TMEM117: variants seen among roughly 807,000 people sequenced by gnomAD.
TMEM117 encodes transmembrane protein 117.
Under a neutral mutation model 52.4 loss-of-function variants are expected in TMEM117, and 27 were observed. The ratio of observed to expected loss-of-function variants is 0.51; its 90% CI spans 0.38 to 0.71. TMEM117 has a LOEUF of 0.71. TMEM117 is among the 30% of genes least tolerant of loss of function. TMEM117 has a pLI of 0.00. For synonymous variants in TMEM117, 215 were observed against 206.3 expected, an observed-to-expected ratio of 1.04 and a Z score of -0.36; for missense variants, 556 against 630.5, an observed-to-expected ratio of 0.88 and a Z score of 1.26.
the TMEM117 span, among the ~76,000 whole-genome samples, chr12:43,828,662 C>T: frequency 3.9e-5 from 6 of 152,056 alleles, no homozygotes; most frequent in African/African-American, 1.5e-4. Context: ...CCATTTTATC[C>T]TCCTCTATTC....
chr12:43,922,699 G>A (rs1944715250), intron 2 of TMEM117, among the ~76,000 whole-genome samples: 3 of 152,116 alleles, frequency 2.0e-5, no homozygotes, highest in Admixed American at 1.3e-4. Context: ...TAGGTAGTTT[G>A]CAAGAGAATG....
chr12:44,176,037 C>T (rs963649339), intron 4 of TMEM117, among the ~76,000 whole-genome samples: 2 of 152,058 alleles, frequency 1.3e-5, no homozygotes, highest in African/African-American at 4.8e-5. Flanking sequence ...AAAATAGAAG[C>T]TCAAGGGGGA....
intron 6 of TMEM117, among the ~76,000 whole-genome samples, chr12:44,375,375 T>C (rs1309048668): frequency 6.6e-6 from 1 of 152,220 alleles, no homozygotes; most frequent in Non-Finnish European, 1.5e-5. Flanking sequence ...ACTTCTTGTA[T>C]ATTTATTTCT....
intron 3 of TMEM117, among the ~76,000 whole-genome samples, chr12:44,077,984 AT>A (rs577909061): frequency 2.1e-4 from 32 of 151,906 alleles, no homozygotes; most frequent in Non-Finnish European, 4.1e-4. Context: ...AAATACCAGT[AT>A]TTTTTTTGAC....
At chr12:44,356,017 GA>G (rs201246749) in intron 6 of TMEM117, among the ~76,000 whole-genome samples, 45 of 149,770 alleles carry the variant, frequency 3.0e-4, no homozygotes, top group African/African-American at 9.8e-4. Flanking sequence ...TTAGAGTCAG[GA>G]AAAAAAAAGA....
chr12:43,921,066 C>G (rs189551689), intron 2 of TMEM117, among the ~76,000 whole-genome samples: 1 of 152,076 alleles, frequency 6.6e-6, no homozygotes, highest in East Asian at 1.9e-4. Flanking sequence ...CTAATGTGGC[C>G]CTATTGATGC....
At chr12:43,870,729 C>T (rs1449556545) in intron 2 of TMEM117, among the ~76,000 whole-genome samples, 1 of 152,126 alleles carries the variant, frequency 6.6e-6, no homozygotes, top group Non-Finnish European at 1.5e-5. Flanking sequence ...GACTTGTACT[C>T]CCACCAACAG....
chr12:44,101,003 A>G (rs1338184188), intron 3 of TMEM117, among the ~76,000 whole-genome samples: 1 of 151,948 alleles, frequency 6.6e-6, no homozygotes, highest in East Asian at 1.9e-4. Context: ...GTACCTGCAG[A>G]TTCGGTGCCT....
At chr12:43,987,502 A>G (rs1159826074) in intron 3 of TMEM117, among the ~76,000 whole-genome samples, 1 of 149,768 alleles carries the variant, frequency 6.7e-6, no homozygotes, top group Non-Finnish European at 1.5e-5. Flanking sequence ...TGTCTTGTTT[A>G]GAATGTACAT....
At chr12:44,063,851 G>T (rs1381814965) in intron 3 of TMEM117, among the ~76,000 whole-genome samples, 4 of 152,106 alleles carry the variant, frequency 2.6e-5, no homozygotes, top group African/African-American at 9.7e-5. Flanking sequence ...GGAGAGAAGT[G>T]GCTAAAGGTG....
At chr12:44,187,528 T>A (rs1949294630) in intron 4 of TMEM117, among the ~76,000 whole-genome samples, 1 of 152,162 alleles carries the variant, frequency 6.6e-6, no homozygotes, top group Non-Finnish European at 1.5e-5. Flanking sequence ...GTTTTTGCAT[T>A]AATACTATGT....
intron 4 of TMEM117, among the ~76,000 whole-genome samples, chr12:44,151,759 C>A (rs1948728850): frequency 6.8e-6 from 1 of 147,270 alleles, no homozygotes; most frequent in Non-Finnish European, 1.5e-5. Flanking sequence ...TGGATGGCTC[C>A]CTTAACATTT....
chr12:44,096,798 G>A (rs1443878720), intron 3 of TMEM117, among the ~76,000 whole-genome samples: 2 of 152,054 alleles, frequency 1.3e-5, no homozygotes, highest in East Asian at 1.9e-4. Context: ...CAGGACATAG[G>A]CATGGGCAAG....
At chr12:43,893,517 T>C (rs1944145134) in intron 2 of TMEM117, among the ~76,000 whole-genome samples, 1 of 152,222 alleles carries the variant, frequency 6.6e-6, no homozygotes, top group Admixed American at 6.5e-5. Context: ...TCAGTGCATA[T>C]TTAAATCAAC....
chr12:43,934,734 A>G lies in TMEM117; in HGVS notation c.278-9476A>G, dbSNP rs926729277. Reference sequence around the variant, plus strand: ...GCCGACATTTCTTGAGTATGCTCCTATTCCTAATAAGAGATGATAACCATC... The same window carrying G: ...GCCGACATTTCTTGAGTATGCTCCTGTTCCTAATAAGAGATGATAACCATC... On this transcript the variant is annotated intron_variant, in intron 2 of 7. Coordinates refer to ENST00000266534, the MANE Select transcript of TMEM117 (RefSeq NM_032256.3). 2.0e-5 allele frequency among the ~76,000 whole-genome samples: 3 copies of G among 152,152 alleles called. No homozygotes were observed. In the East Asian group the frequency reaches 5.8e-4, roughly 29 times the overall value.
At chr12:44,127,270 G>T (rs931417766) in intron 3 of TMEM117, among the ~76,000 whole-genome samples, 2 of 152,146 alleles carry the variant, frequency 1.3e-5, no homozygotes, top group African/African-American at 2.4e-5. Context: ...TGATTTCTAT[G>T]ATAGTTTTAT....
intron 6 of TMEM117, among the ~76,000 whole-genome samples, chr12:44,370,512 T>C (rs1466217258): frequency 1.4e-5 from 2 of 147,720 alleles, no homozygotes; most frequent in African/African-American, 5.0e-5. Flanking sequence ...ATTCTTTTTT[T>C]TTTTTTTTTT....
intron 3 of TMEM117, among the ~76,000 whole-genome samples, chr12:44,068,667 A>G (rs1249040444): frequency 6.6e-6 from 1 of 152,206 alleles, no homozygotes; most frequent in Non-Finnish European, 1.5e-5. Flanking sequence ...CAAGAGTAAT[A>G]TCAAAGATCA....
intron 5 of TMEM117, among the ~76,000 whole-genome samples, chr12:44,239,629 G>GT (rs1950038371): frequency 1.3e-5 from 2 of 151,974 alleles, no homozygotes; most frequent in African/African-American, 4.8e-5. Flanking sequence ...CCAGAATATT[G>GT]TTTTCAGAAG....
Sources: allele counts gnomAD v4.1 joint callset (sites outside exome capture counted in the v4.1 genomes callset), GRCh38; gene constraint gnomAD v4.1.1; transcripts MANE v1.5; gene names NCBI Gene and HGNC (gene_info 2026-07-23, HGNC 2026-07-21).